The following NEDD4 variants were observed in gnomAD, a reference collection of about 807,000 sequenced individuals.
The protein encoded by NEDD4 is E3 ubiquitin-protein ligase NEDD4.
NEDD4 carries 99 observed loss-of-function variants against 144.9 expected under a neutral mutation model. The observed-to-expected ratio is 0.68, with a 90% CI of 0.58 to 0.81. The LOEUF (loss-of-function observed/expected upper bound fraction) is 0.81. Among genes scored for constraint, NEDD4 ranks in the 30% least tolerant of loss-of-function variants. The probability of loss-of-function intolerance (pLI) is 0.00; values close to 1 mark genes in which losing one functional copy is unlikely to be tolerated. For synonymous variants in NEDD4, 318 were observed against 350.6 expected, an observed-to-expected ratio of 0.91 and a Z score of 1.04; for missense variants, 985 against 1,065.9, an observed-to-expected ratio of 0.92 and a Z score of 1.06.
chr15:55,959,908 A>G (rs1403744921), intron 2 of NEDD4, among the ~76,000 whole-genome samples: 1 of 152,224 alleles, frequency 6.6e-6, no homozygotes. Flanking sequence ...GAATTCCTAT[A>G]ATTTTATGTT....
chr15:55,989,192 C>T (rs7161742), intron 1 of NEDD4, among the ~76,000 whole-genome samples: 9,381 of 152,142 alleles, frequency 0.062, 376 homozygotes, highest in East Asian at 0.16. Flanking sequence ...GCTGAGATCA[C>T]GCCATTGCAC....
At chr15:55,971,995 A>C (rs1299690631) in intron 1 of NEDD4, among the ~76,000 whole-genome samples, 3 of 152,206 alleles carry the variant, frequency 2.0e-5, no homozygotes, top group African/African-American at 4.8e-5. Flanking sequence ...TGAAGGAAAA[A>C]ATTTTTATTG....
chr15:55,927,689 A>C (rs1169220431), intron 4 of NEDD4, among the ~76,000 whole-genome samples: 1 of 152,238 alleles, frequency 6.6e-6, no homozygotes, highest in Middle Eastern at 3.4e-3. Context: ...TTAAAAGGAG[A>C]AATGACATAA....
chr15:55,953,795 A>C (rs1566967373), intron 2 of NEDD4, among the ~76,000 whole-genome samples: 1 of 152,086 alleles, frequency 6.6e-6, no homozygotes, highest in Non-Finnish European at 1.5e-5. Flanking sequence ...ATCTCGGCTC[A>C]CTGCAACCTC....
intron 6 of NEDD4, among the ~76,000 whole-genome samples, chr15:55,873,449 G>A (rs1052400252): frequency 6.6e-6 from 1 of 151,908 alleles, no homozygotes; most frequent in Non-Finnish European, 1.5e-5. Context: ...TACAAGAGAC[G>A]CCACTCTTAT....
At chr15:55,885,475 CA>C (rs1439008854) in intron 5 of NEDD4, among the ~76,000 whole-genome samples, 1 of 151,612 alleles carries the variant, frequency 6.6e-6, no homozygotes, top group Non-Finnish European at 1.5e-5. Context: ...ATGAACTGAT[CA>C]AAAATAGTAC....
At chr15:55,928,014 C>T (rs2036707692) in intron 4 of NEDD4, among the ~76,000 whole-genome samples, 1 of 152,038 alleles carries the variant, frequency 6.6e-6, no homozygotes, top group South Asian at 2.1e-4. Context: ...GATTCACTAC[C>T]TCAACTATCT....
chr15:55,867,805 C>T (rs2142052400), intron 8 of NEDD4, among the ~76,000 whole-genome samples: 1 of 152,334 alleles, frequency 6.6e-6, no homozygotes, highest in East Asian at 1.9e-4. Flanking sequence ...CCTGTAGTCC[C>T]AGCACTTTGG....
chr15:55,966,431 A>G (rs1282075931), intron 2 of NEDD4, 42 bp downstream of exon 2: 2 of 1,243,268 alleles, frequency 1.6e-6, no homozygotes, highest in Middle Eastern at 3.8e-4. Context: ...CTAATTAACA[A>G]ATGCAAAGTT....
intron 5 of NEDD4, among the ~76,000 whole-genome samples, chr15:55,893,585 AT>A (rs548893860): frequency 5.3e-5 from 8 of 150,736 alleles, no homozygotes; most frequent in South Asian, 4.2e-4. Context: ...AAGACATTTA[AT>A]TTTTTTTTAT....
chr15:55,882,306 C>G (rs2035221404), intron 5 of NEDD4, among the ~76,000 whole-genome samples: 1 of 152,170 alleles, frequency 6.6e-6, no homozygotes, highest in South Asian at 2.1e-4. Flanking sequence ...TGCTGACACC[C>G]ACCCCCTCCA....
intron 1 of NEDD4, among the ~76,000 whole-genome samples, chr15:55,985,556 A>G (rs1248671192): frequency 1.6e-4 from 25 of 152,230 alleles, no homozygotes; most frequent in Admixed American, 1.6e-3. Flanking sequence ...ACATAAGTCA[A>G]TGAACAAATA....
chr15:55,947,103 G>A (rs1449954775), intron 4 of NEDD4, among the ~76,000 whole-genome samples: 5 of 152,046 alleles, frequency 3.3e-5, no homozygotes, highest in African/African-American at 9.7e-5. Flanking sequence ...AAGAACTAGA[G>A]AAGCAAGAGC....
At chr15:55,983,937 G>C (rs927312610) in intron 1 of NEDD4, among the ~76,000 whole-genome samples, 11 of 152,014 alleles carry the variant, frequency 7.2e-5, no homozygotes, top group African/African-American at 2.7e-4. Flanking sequence ...ATCTTACACT[G>C]TTTTCCTTAA....
intron 4 of NEDD4, among the ~76,000 whole-genome samples, chr15:55,943,534 G>A (rs1470860052): frequency 6.6e-6 from 1 of 152,252 alleles, no homozygotes; most frequent in Non-Finnish European, 1.5e-5. Flanking sequence ...CAAACCGTAA[G>A]TCTTGGTGGC....
chr15:55,948,561 A>G (rs1443340260), intron 4 of NEDD4, among the ~76,000 whole-genome samples: 1 of 152,194 alleles, frequency 6.6e-6, no homozygotes, highest in African/African-American at 2.4e-5. Flanking sequence ...CTATACTACA[A>G]GGCTACAGTA....
At chr15:55,981,576 C>A (rs527687545) in intron 1 of NEDD4, among the ~76,000 whole-genome samples, 7 of 152,174 alleles carry the variant, frequency 4.6e-5, no homozygotes, top group African/African-American at 1.7e-4. Flanking sequence ...GTCTATGATA[C>A]CCACATGCAT....
chr15:55,897,407 A>G (rs2035773999), intron 5 of NEDD4, among the ~76,000 whole-genome samples: 1 of 152,186 alleles, frequency 6.6e-6, no homozygotes. Flanking sequence ...AGGAAATAGG[A>G]ATAGTTCTAG....
chr15:55,837,432 CA>C (rs66970830), intron 24 of NEDD4, among the ~76,000 whole-genome samples: 113,661 of 126,268 alleles, frequency 0.9, 50,997 homozygotes, highest in East Asian at 0.95. Context: ...ACTCCGCGCT[CA>C]AAAAAAAAAA....
Sources: gnomAD v4.1 joint callset for allele counts (sites outside exome capture counted in the v4.1 genomes callset) on GRCh38, gnomAD v4.1.1 for gene constraint, MANE v1.5 for transcripts, NCBI Gene and HGNC (gene_info 2026-07-23, HGNC 2026-07-21) for gene names.